The following RBFOX1 variants were observed in gnomAD, a reference collection of about 807,000 sequenced individuals.
RBFOX1 encodes the protein RNA binding protein fox-1 homolog 1.
Under a neutral mutation model 57.7 loss-of-function variants are expected in RBFOX1, and 8 were observed. That is an observed-to-expected ratio of 0.14 (90% CI 0.08 to 0.25). The LOEUF (loss-of-function observed/expected upper bound fraction) is 0.25, where lower values mean the gene tolerates loss of function less well. RBFOX1 is among the 10% of genes least tolerant of loss of function. RBFOX1 has a pLI of 1.00. For synonymous variants in RBFOX1, 326 were observed against 222.4 expected (o/e 1.47, Z -4.15); for missense variants, 611 against 548.5 (o/e 1.11, Z -1.14).
intron 3 of RBFOX1, among the ~76,000 whole-genome samples, chr16:5,661,932 C>G (rs901699966): frequency 6.6e-6 from 1 of 152,028 alleles, no homozygotes; most frequent in Non-Finnish European, 1.5e-5. Flanking sequence ...ACTACAGGCA[C>G]GTGCCACCAA....
intron 1 of RBFOX1, among the ~76,000 whole-genome samples, chr16:6,035,743 C>T (rs1026943638): frequency 1.3e-5 from 2 of 152,148 alleles, no homozygotes; most frequent in Non-Finnish European, 2.9e-5. Flanking sequence ...CATAGACTGT[C>T]AACCAATTGG....
intron 1 of RBFOX1, among the ~76,000 whole-genome samples, chr16:6,177,185 TG>T (rs1156736402): frequency 3.3e-4 from 49 of 150,360 alleles, no homozygotes; most frequent in African/African-American, 8.6e-4. Context: ...ATTTCTTGTT[TG>T]TTTTTTTTTT....
intron 2 of RBFOX1, among the ~76,000 whole-genome samples, chr16:6,402,401 G>C (rs1344195087): frequency 6.6e-6 from 1 of 152,162 alleles, no homozygotes; most frequent in East Asian, 1.9e-4. Flanking sequence ...AAATAAAAAT[G>C]AACAAACACA....
At chr16:5,366,777 A>T (rs776777547) in intron 1 of RBFOX1, 27 of 279,896 alleles carry the variant, frequency 9.6e-5, no homozygotes, top group Non-Finnish European at 1.7e-4. Context: ...TTTGTAATGC[A>T]GAGTGATAAA....
At chr16:7,425,316 C>T (rs1453594308) in intron 4 of RBFOX1, among the ~76,000 whole-genome samples, 1 of 152,120 alleles carries the variant, frequency 6.6e-6, no homozygotes, top group Non-Finnish European at 1.5e-5. Context: ...CGCAAGGGGT[C>T]TATTTGATGA....
intron 3 of RBFOX1, among the ~76,000 whole-genome samples, chr16:7,017,277 T>C (rs1013546940): frequency 1.5e-4 from 23 of 152,128 alleles, no homozygotes; most frequent in African/African-American, 5.3e-4. Flanking sequence ...GGCCCAAGTA[T>C]AGAATGATGG....
Position 7,475,431 on chromosome 16 carries a change from C to T in RBFOX1, c.28-42716C>T, listed in dbSNP as rs150685046. ...CCGGGTTCAAGCAATTCTCCTGCGT[C>T]AGCCTCCTGAGTAGCTGGGACTGCA... On this transcript the variant is annotated intron_variant, in intron 4 of 15. Coordinates refer to ENST00000550418, the MANE Select transcript of RBFOX1 (RefSeq NM_018723.4). Among the ~76,000 whole-genome samples, 453 of 151,914 alleles carry T rather than the reference C, an allele frequency of 3.0e-3. 3 individuals are homozygous for T. The highest frequency in any genetic ancestry group is 0.011 in the African/African-American group (439 of 41,418).
At chr16:5,890,854 C>G (rs753534165) in intron 4 of RBFOX1, among the ~76,000 whole-genome samples, 72 of 152,222 alleles carry the variant, frequency 4.7e-4, no homozygotes, top group Non-Finnish European at 8.7e-4. Flanking sequence ...TTGTGTCTGG[C>G]TTGAATTCAG....
intron 4 of RBFOX1, among the ~76,000 whole-genome samples, chr16:7,510,698 G>T (rs1392441355): frequency 6.6e-6 from 1 of 152,138 alleles, no homozygotes; most frequent in Non-Finnish European, 1.5e-5. Context: ...GCGATTTCTT[G>T]CCAGAGAAGT....
Position 6,726,353 on chromosome 16 carries a change from G to T in RBFOX1, c.-16+71703G>T, listed in dbSNP as rs147068562. Among the ~76,000 whole-genome samples, 866 of 150,578 alleles carry T rather than the reference G, an allele frequency of 5.8e-3. 7 individuals carry two copies. The highest frequency in any genetic ancestry group is 8.4e-3 in the Non-Finnish European group (571 of 67,700). On this transcript the variant is annotated intron_variant, in intron 3 of 15. Transcript: ENST00000550418. ...TGTAAAGAGGCAAAAGCAAATTTTT[G>T]CATTTGTAAAAAAATAATAAATAAA... is the stretch of plus-strand genomic sequence containing the variant.
chr16:6,596,856 C>G (rs1389298343), intron 2 of RBFOX1, among the ~76,000 whole-genome samples: 1 of 152,106 alleles, frequency 6.6e-6, no homozygotes, highest in African/African-American at 2.4e-5. Flanking sequence ...CTATATAGTG[C>G]TATATCGAGA....
At chr16:7,263,773 G>A (rs1008985133) in intron 4 of RBFOX1, among the ~76,000 whole-genome samples, 1 of 152,066 alleles carries the variant, frequency 6.6e-6, no homozygotes, top group Admixed American at 6.6e-5. Context: ...GCACGTGCCT[G>A]TAATCCCAGC....
chr16:5,370,294 A>T (rs2065824839), intron 1 of RBFOX1, among the ~76,000 whole-genome samples: 1 of 151,974 alleles, frequency 6.6e-6, no homozygotes, highest in Non-Finnish European at 1.5e-5. Context: ...CAAGCGTGAG[A>T]TCTAGACGGC....
intron 3 of RBFOX1, among the ~76,000 whole-genome samples, chr16:6,683,019 C>G (rs1319032631): frequency 1.3e-5 from 2 of 152,158 alleles, no homozygotes; most frequent in African/African-American, 4.8e-5. Context: ...GTGAGGACAG[C>G]TTCTCCATCC....
intron 2 of RBFOX1, among the ~76,000 whole-genome samples, chr16:6,536,087 A>C (rs2096731273): frequency 1.3e-5 from 2 of 152,190 alleles, no homozygotes; most frequent in South Asian, 4.1e-4. Context: ...GTGATACAGG[A>C]GTATTAATTA....
At chr16:5,541,666 G>C (rs1825687) in intron 2 of RBFOX1, among the ~76,000 whole-genome samples, 60,401 of 151,982 alleles carry the variant, frequency 0.4, 13,155 homozygotes, top group East Asian at 0.86. Context: ...CCCAGCATGA[G>C]TTTTCCCTTT....
chr16:7,157,367 A>C (rs924341702), intron 4 of RBFOX1, among the ~76,000 whole-genome samples: 1 of 152,152 alleles, frequency 6.6e-6, no homozygotes, highest in Non-Finnish European at 1.5e-5. Flanking sequence ...TTTGGCAATA[A>C]ATGTATGGTA....
intron 4 of RBFOX1, among the ~76,000 whole-genome samples, chr16:5,983,385 T>C (rs2060212608): frequency 6.6e-6 from 1 of 152,150 alleles, no homozygotes; most frequent in Non-Finnish European, 1.5e-5. Context: ...ACAAATCTAG[T>C]TTTGTCACTG....
chr16:5,774,514 G>A (rs577916627), intron 3 of RBFOX1, among the ~76,000 whole-genome samples: 1 of 152,276 alleles, frequency 6.6e-6, no homozygotes, highest in East Asian at 1.9e-4. Flanking sequence ...AACAAGGAGA[G>A]GTTATGCAGC....
Sources: allele counts gnomAD v4.1 joint callset (sites outside exome capture counted in the v4.1 genomes callset), GRCh38; gene constraint gnomAD v4.1.1; transcripts MANE v1.5; gene names NCBI Gene and HGNC (gene_info 2026-07-23, HGNC 2026-07-21).